BRI3: variants seen among roughly 807,000 people sequenced by gnomAD.
BRI3 encodes the protein brain protein I3.
A neutral mutation model predicts 12.8 loss-of-function variants in BRI3; 6 were observed. The observed-to-expected ratio is 0.47, with a 90% confidence interval of 0.26 to 0.93. The LOEUF (loss-of-function observed/expected upper bound fraction) is 0.93, where lower values mean the gene tolerates loss of function less well. Ranked by LOEUF, BRI3 falls within the 40% of genes least tolerant of loss-of-function variation. The pLI is 0.15. For synonymous variants in BRI3, 91 were observed against 76.1 expected, an observed-to-expected ratio of 1.20 and a Z score of -1.02; for missense variants, 134 against 171.1, an observed-to-expected ratio of 0.78 and a Z score of 1.21.
the BRI3 span, among the ~76,000 whole-genome samples, chr7:98,316,172 C>T: frequency 9.9e-5 from 15 of 152,146 alleles, no homozygotes; most frequent in African/African-American, 3.6e-4. Flanking sequence ...CTCTCCTTTG[C>T]CTGCTGCCAT....
At chr7:98,316,520 A>AT in the BRI3 span, among the ~76,000 whole-genome samples, 3 of 152,184 alleles carry the variant, frequency 2.0e-5, no homozygotes, top group East Asian at 3.8e-4. Context: ...CAAAATGCTT[A>AT]TTTTTAAAAA....
chr7:98,306,611 C>CT, exon 1 of BRI3: 1 of 1,563,796 alleles, frequency 6.4e-7, no homozygotes, highest in Non-Finnish European at 8.7e-7. Context: ...GCAGACAGGT[C>CT]CACTGCTCCA....
upstream of BRI3, among the ~76,000 whole-genome samples, chr7:98,305,189 C>T (rs927853468): frequency 6.6e-6 from 1 of 150,584 alleles, no homozygotes; most frequent in African/African-American, 2.4e-5. Flanking sequence ...CTGCGCCTGG[C>T]CAAAAAATTA....
intron 2 of BRI3, among the ~76,000 whole-genome samples, chr7:98,290,205 T>TTTC (rs1799866725): frequency 1.1e-5 from 1 of 89,814 alleles, no homozygotes; most frequent in Non-Finnish European, 2.5e-5. Context: ...TTTTTTTTTT[T>TTTC]TGAGACGGAG....
At chr7:98,302,721 G>A (rs1268070283), upstream of BRI3, among the ~76,000 whole-genome samples, 1 of 152,174 alleles carries the variant, frequency 6.6e-6, no homozygotes, top group Non-Finnish European at 1.5e-5. Flanking sequence ...AAGGCCTCAC[G>A]AGCCCTATCC....
At chr7:98,312,225 C>T (rs372690052), downstream of BRI3, 2 of 1,613,670 alleles carry the variant, frequency 1.2e-6, no homozygotes, top group African/African-American at 1.3e-5. Context: ...ACACAGGTCT[C>T]CTGCCACCGA....
chr7:98,300,824 C>A (rs1047214167), intron 1 of BRI3, among the ~76,000 whole-genome samples: 1 of 152,102 alleles, frequency 6.6e-6, no homozygotes. Context: ...TGGCTGGTGC[C>A]CGACCCCAGC....
intron 2 of BRI3, among the ~76,000 whole-genome samples, chr7:98,286,466 G>C (rs188752235): frequency 1.3e-5 from 2 of 152,338 alleles, no homozygotes; most frequent in East Asian, 3.9e-4. Flanking sequence ...GCACAAGAAT[G>C]GGGGAGGGGC....
At chr7:98,294,400 G>C (rs993465095), downstream of BRI3, among the ~76,000 whole-genome samples, 3 of 152,228 alleles carry the variant, frequency 2.0e-5, no homozygotes, top group African/African-American at 7.2e-5. Flanking sequence ...TCACTTGGAA[G>C]AATAAGGCAA....
the BRI3 span, chr7:98,319,999 C>T: frequency 7.1e-7 from 1 of 1,416,206 alleles, no homozygotes; most frequent in East Asian, 2.3e-5. Context: ...AACGAGTTCT[C>T]CCCAGGCTGG....
the BRI3 span, chr7:98,315,635 A>AATAATT: frequency 9.1e-7 from 1 of 1,097,260 alleles, no homozygotes; most frequent in Non-Finnish European, 1.2e-6. Flanking sequence ...AAATAATAAT[A>AATAATT]ATAATAATTA....
At chr7:98,292,503 T>C (rs1800009473), downstream of BRI3, 5 of 854,108 alleles carry the variant, frequency 5.9e-6, no homozygotes, top group Admixed American at 9.3e-5. Flanking sequence ...CCAAAATAGG[T>C]CCAGATCCTT....
At chr7:98,321,953 G>A in the BRI3 span, among the ~76,000 whole-genome samples, 1 of 152,118 alleles carries the variant, frequency 6.6e-6, no homozygotes, top group Non-Finnish European at 1.5e-5. Flanking sequence ...AAAATTAGCT[G>A]GGCATGATGG....
downstream of BRI3, among the ~76,000 whole-genome samples, chr7:98,296,821 G>A (rs1043673897): frequency 6.6e-6 from 1 of 152,210 alleles, no homozygotes; most frequent in African/African-American, 2.4e-5. Flanking sequence ...CGAGGGCAGG[G>A]GCTTGGCACA....
chr7:98,315,640 T>TAATAAA, the BRI3 span: 1 of 1,082,064 alleles, frequency 9.2e-7, no homozygotes, highest in Non-Finnish European at 1.2e-6. Flanking sequence ...ATAATAATAA[T>TAATAAA]AATTATATAA....
At chr7:98,305,961 T>A (rs1384603644), upstream of BRI3, among the ~76,000 whole-genome samples, 1 of 151,876 alleles carries the variant, frequency 6.6e-6, no homozygotes, top group African/African-American at 2.4e-5. Flanking sequence ...GGACCCAGGG[T>A]GACTCCCAAG....
downstream of BRI3, chr7:98,293,093 A>G (rs1206744171): frequency 7.4e-6 from 4 of 538,686 alleles, no homozygotes; most frequent in Non-Finnish European, 9.9e-6. Flanking sequence ...CTTACGTGAT[A>G]TCTTCTTTAG....
Position 98,288,940 on chromosome 7 carries a change from A to C in BRI3, c.246-2171A>C, listed in dbSNP as rs555145147. On this transcript the variant is annotated intron_variant, in intron 2 of 2. Coordinates refer to ENST00000297290, the MANE Select transcript of BRI3 (RefSeq NM_015379.5). Reference sequence around the variant, plus strand: ...CTCCCTGAGTAGGCTAGAGGGAGGCAGGTGGGCATGAAGTTTTTTTCTTTT... The same window carrying C: ...CTCCCTGAGTAGGCTAGAGGGAGGCCGGTGGGCATGAAGTTTTTTTCTTTT... 5.9e-5 allele frequency among the ~76,000 whole-genome samples: 9 copies of C among 152,118 alleles called. No homozygotes were observed. In the East Asian group the frequency reaches 1.4e-3, roughly 23 times the overall value.
exon 1 of BRI3, chr7:98,306,578 G>A: frequency 1.9e-6 from 3 of 1,612,414 alleles, no homozygotes. Flanking sequence ...CAACCTCCCT[G>A]AACAACCTGG....
Sources: gnomAD v4.1 joint callset for allele counts (sites outside exome capture counted in the v4.1 genomes callset) on GRCh38, gnomAD v4.1.1 for gene constraint, MANE v1.5 for transcripts, NCBI Gene and HGNC (gene_info 2026-07-23, HGNC 2026-07-21) for gene names.